The following GLG1 variants were observed in gnomAD, a reference collection of about 807,000 sequenced individuals.
GLG1 encodes the protein golgi glycoprotein 1.
In GLG1, 38 loss-of-function variants were observed where a neutral mutation model predicts 160.5. That is an observed-to-expected ratio of 0.24 (90% CI 0.18 to 0.31). GLG1 has a LOEUF of 0.31. GLG1 is among the 10% of genes least tolerant of loss of function. GLG1 has a pLI of 1.00. For synonymous variants in GLG1, 644 were observed against 543.4 expected (o/e 1.19, Z -2.57); for missense variants, 1,373 against 1,505.2 (o/e 0.91, Z 1.45).
At chr16:74,601,253 G>A (rs966206829) in intron 1 of GLG1, among the ~76,000 whole-genome samples, 4 of 151,866 alleles carry the variant, frequency 2.6e-5, no homozygotes, top group African/African-American at 9.7e-5. Context: ...TACAGGAAAC[G>A]ACTCATATAA....
intron 1 of GLG1, among the ~76,000 whole-genome samples, chr16:74,566,990 T>C (rs1327586250): frequency 6.6e-6 from 1 of 152,086 alleles, no homozygotes; most frequent in Non-Finnish European, 1.5e-5. Flanking sequence ...GAGGAGAAAA[T>C]GTTTAAGATG....
chr16:74,492,172 G>C (rs546795478), intron 7 of GLG1, among the ~76,000 whole-genome samples: 2 of 149,476 alleles, frequency 1.3e-5, no homozygotes, highest in African/African-American at 4.9e-5. Context: ...AGATCACGAG[G>C]TCAGGAGATC....
intron 2 of GLG1, 28 bp from the exon 3 acceptor site, chr16:74,508,953 A>G (rs375330036): frequency 2.8e-5 from 26 of 916,614 alleles, no homozygotes; most frequent in Middle Eastern, 2.2e-4. Context: ...AAAAAAAACA[A>G]AGAAAAACTC....
chr16:74,472,402 T>C lies in GLG1; in HGVS notation c.2062A>G (p.Ile688Val). The C allele has an allele frequency of 1.2e-6, 2 of 1,607,502 alleles. No homozygotes were observed. The highest frequency in any genetic ancestry group is 1.7e-6 in the Non-Finnish European group (2 of 1,174,050). ...CAGGCTCTCATCAGCAAGGCTTCTATTTGAATATCCTGTAGAAAATTAAAT... is the reference window on the plus strand; with the variant it reads ...CAGGCTCTCATCAGCAAGGCTTCTACTTGAATATCCTGTAGAAAATTAAAT... ...LTELESEDIQ[I>V]EALLMRACEP... is the part of the protein sequence containing the mutation. The change falls in exon 14 of 26, where the codon ATA becomes GTA. Residue 688 changes from isoleucine (I) to valine (V), a missense_variant. By Grantham distance (29) the Ile-to-Val change is conservative. This residue lies in a region of GLG1 where 491 missense variants were observed against 632.1 expected (regional missense o/e 0.78). Coordinates refer to ENST00000422840, the MANE Select transcript of GLG1 (RefSeq NM_001145667.2).
intron 1 of GLG1, among the ~76,000 whole-genome samples, chr16:74,601,372 G>C (rs1053541804): frequency 1.3e-5 from 2 of 151,694 alleles, no homozygotes; most frequent in African/African-American, 4.9e-5. Context: ...TTGAGCTCAG[G>C]AGTTAGAGAC....
intron 12 of GLG1, among the ~76,000 whole-genome samples, chr16:74,475,966 G>A (rs1184303032): frequency 2.0e-5 from 3 of 152,152 alleles, no homozygotes; most frequent in Non-Finnish European, 4.4e-5. Flanking sequence ...TGGATTGCCT[G>A]AGCTCAGGAG....
chr16:74,592,009 T>C (rs1033226264), intron 1 of GLG1, among the ~76,000 whole-genome samples: 4 of 152,142 alleles, frequency 2.6e-5, no homozygotes, highest in African/African-American at 4.8e-5. Flanking sequence ...CATGCATATA[T>C]GTATGTATGT....
intron 1 of GLG1, among the ~76,000 whole-genome samples, chr16:74,595,164 G>A (rs1958270314): frequency 6.6e-6 from 1 of 151,120 alleles, no homozygotes; most frequent in Non-Finnish European, 1.5e-5. Context: ...ATCTAGCCTG[G>A]GCAACAGAGC....
intron 1 of GLG1, among the ~76,000 whole-genome samples, chr16:74,590,535 G>A (rs1259523737): frequency 6.6e-6 from 1 of 150,690 alleles, no homozygotes; most frequent in Non-Finnish European, 1.5e-5. Context: ...GCAGGAGAAT[G>A]GCGTGAATCC....
At chr16:74,475,821 A>T (rs886552732) in intron 12 of GLG1, among the ~76,000 whole-genome samples, 4 of 152,196 alleles carry the variant, frequency 2.6e-5, no homozygotes, top group Non-Finnish European at 4.4e-5. Flanking sequence ...AAGAAGAAAT[A>T]AAAAAGCTAA....
intron 2 of GLG1, among the ~76,000 whole-genome samples, chr16:74,514,032 A>G (rs902199713): frequency 3.3e-5 from 5 of 152,118 alleles, no homozygotes; most frequent in South Asian, 2.1e-4. Flanking sequence ...AGCGGAAGAA[A>G]TGATCAGTGA....
intron 2 of GLG1, among the ~76,000 whole-genome samples, chr16:74,510,101 G>C (rs982739137): frequency 6.6e-6 from 1 of 150,482 alleles, no homozygotes; most frequent in Non-Finnish European, 1.5e-5. Flanking sequence ...GCGCGATCTC[G>C]GCTCACCACA....
At chr16:74,496,159 T>C (rs1044934174) in intron 5 of GLG1, among the ~76,000 whole-genome samples, 5 of 151,990 alleles carry the variant, frequency 3.3e-5, no homozygotes, top group East Asian at 1.9e-4. Context: ...TTTTAGCTAC[T>C]TGGGAGGCTG....
intron 1 of GLG1, among the ~76,000 whole-genome samples, chr16:74,584,825 A>T (rs1355760079): frequency 2.0e-5 from 3 of 152,072 alleles, no homozygotes; most frequent in Admixed American, 2.0e-4. Context: ...CTGAGGCAGG[A>T]GAATCTATTG....
chr16:74,570,380 C>G (rs2018791366), intron 1 of GLG1, among the ~76,000 whole-genome samples: 1 of 152,098 alleles, frequency 6.6e-6, no homozygotes, highest in Non-Finnish European at 1.5e-5. Context: ...TGAAGCATTT[C>G]TCAGCCTCAG....
intron 2 of GLG1, among the ~76,000 whole-genome samples, chr16:74,528,610 G>A (rs537735289): frequency 1.3e-4 from 20 of 151,646 alleles, no homozygotes; most frequent in African/African-American, 4.3e-4. Flanking sequence ...TCAGGAGTTC[G>A]AGACCAGCCT....
intron 1 of GLG1, among the ~76,000 whole-genome samples, chr16:74,532,733 G>A (rs1359783568): frequency 6.6e-6 from 1 of 151,904 alleles, no homozygotes; most frequent in Non-Finnish European, 1.5e-5. Flanking sequence ...TCACTATGTT[G>A]CCCAGGCTGG....
intron 1 of GLG1, among the ~76,000 whole-genome samples, chr16:74,554,272 G>A (rs1235454047): frequency 1.3e-5 from 2 of 152,312 alleles, no homozygotes; most frequent in African/African-American, 2.4e-5. Flanking sequence ...CGTGACTCAC[G>A]CCTGTAATCT....
intron 1 of GLG1, among the ~76,000 whole-genome samples, chr16:74,539,447 G>C (rs1597324642): frequency 1.3e-5 from 2 of 150,532 alleles, no homozygotes; most frequent in African/African-American, 4.9e-5. Flanking sequence ...GTTAAAACTT[G>C]TCTTGTACCT....
Sources: gnomAD v4.1 joint callset for allele counts (sites outside exome capture counted in the v4.1 genomes callset) on GRCh38, gnomAD v4.1.1 for gene constraint, gnomAD v4.1.1 regional missense constraint, MANE v1.5 for transcripts, NCBI Gene and HGNC (gene_info 2026-07-23, HGNC 2026-07-21) for gene names.